Variants in ZNG1A observed in about 807,000 individuals in gnomAD.
ZNG1A encodes zinc-regulated GTPase metalloprotein activator 1A.
chr9:154,924 G>T, the ZNG1A span: 2 of 945,692 alleles, frequency 2.1e-6, no homozygotes, highest in Non-Finnish European at 3.1e-6. Context: ...CAATATATCA[G>T]TTAAGAATTA....
the ZNG1A span, chr9:154,091 A>G: frequency 6.6e-6 from 1 of 152,144 alleles, no homozygotes; most frequent in East Asian, 1.9e-4. Context: ...CATCATTCAT[A>G]TTGTCCTGAT....
the ZNG1A span, among the ~76,000 whole-genome samples, chr9:140,567 A>T: frequency 6.6e-6 from 1 of 151,944 alleles, no homozygotes; most frequent in South Asian, 2.1e-4. Context: ...ATGGGGAAAA[A>T]ACAGAGCAGA....
chr9:169,293 G>T, the ZNG1A span, among the ~76,000 whole-genome samples: 1 of 148,328 alleles, frequency 6.7e-6, no homozygotes, highest in Non-Finnish European at 1.5e-5. Context: ...AAGAGAACTA[G>T]AATTAGAAGG....
the ZNG1A span, among the ~76,000 whole-genome samples, chr9:149,736 A>AT: frequency 6.7e-6 from 1 of 150,348 alleles, no homozygotes; most frequent in Non-Finnish European, 1.5e-5. Context: ...AGTTTGTCAA[A>AT]TTAATTTAAC....
chr9:131,429 T>C, the ZNG1A span, among the ~76,000 whole-genome samples: 3 of 150,688 alleles, frequency 2.0e-5, no homozygotes, highest in South Asian at 2.1e-4. Context: ...ATAACTTTTA[T>C]AGGTTTTCTT....
At chr9:158,129 TACA>T in the ZNG1A span, among the ~76,000 whole-genome samples, 3 of 147,092 alleles carry the variant, frequency 2.0e-5, no homozygotes, top group South Asian at 4.5e-4. Flanking sequence ...GGCCTGAGGC[TACA>T]ACAAGTCCTA....
chr9:127,292 C>G, the ZNG1A span, among the ~76,000 whole-genome samples: 1 of 152,066 alleles, frequency 6.6e-6, no homozygotes, highest in Non-Finnish European at 1.5e-5. Context: ...AAATCCCTCA[C>G]TATTATTGTG....
At chr9:161,721 A>G in the ZNG1A span, 1 of 659,974 alleles carries the variant, frequency 1.5e-6, no homozygotes, top group East Asian at 6.6e-5. Context: ...TACTAAATGC[A>G]TTTTATAAAT....
chr9:165,132 G>A, the ZNG1A span, among the ~76,000 whole-genome samples: 8 of 152,052 alleles, frequency 5.3e-5, no homozygotes, highest in Admixed American at 2.6e-4. Context: ...TCTCCAAAAC[G>A]GGAAACAACT....
At chr9:152,609 C>T in the ZNG1A span, among the ~76,000 whole-genome samples, 98 of 151,862 alleles carry the variant, frequency 6.5e-4, 2 homozygotes, top group African/African-American at 2.3e-3. Context: ...CGTCAGTTAC[C>T]TAATTAGGCT....
the ZNG1A span, chr9:148,262 G>C: frequency 1.0e-5 from 1 of 100,214 alleles, no homozygotes; most frequent in Admixed American, 1.2e-4. Flanking sequence ...ATGCCATCCA[G>C]AGGTAATTCT....
chr9:156,326 A>G, the ZNG1A span, among the ~76,000 whole-genome samples: 2 of 151,672 alleles, frequency 1.3e-5, no homozygotes, highest in Admixed American at 6.6e-5. Context: ...TCAGATCATT[A>G]TAAATAGATA....
At chr9:143,261 A>T in the ZNG1A span, among the ~76,000 whole-genome samples, 23,069 of 143,470 alleles carry the variant, frequency 0.16, 2,165 homozygotes, top group East Asian at 0.38. Flanking sequence ...TTTTAGACCA[A>T]TATCCTTGAT....
chr9:165,231 T>C, the ZNG1A span, among the ~76,000 whole-genome samples: 1 of 152,030 alleles, frequency 6.6e-6, no homozygotes, highest in East Asian at 1.9e-4. Flanking sequence ...GTATCACTAC[T>C]CCAAACAATA....
chr9:155,136 A>G, the ZNG1A span, among the ~76,000 whole-genome samples: 2 of 151,814 alleles, frequency 1.3e-5, no homozygotes, highest in African/African-American at 2.4e-5. Flanking sequence ...TTAAACTCAT[A>G]ATTTTCTTTG....
the ZNG1A span, chr9:154,785 A>C: frequency 6.3e-7 from 1 of 1,575,222 alleles, no homozygotes; most frequent in South Asian, 1.1e-5. Flanking sequence ...GCATCTGCCA[A>C]AGCAACTTGT....
At chr9:139,597 G>C in the ZNG1A span, among the ~76,000 whole-genome samples, 33 of 152,104 alleles carry the variant, frequency 2.2e-4, no homozygotes, top group African/African-American at 7.5e-4. Flanking sequence ...TTACCAAAAA[G>C]ATTCCCCACA....
chr9:175,145 C>T, the ZNG1A span, among the ~76,000 whole-genome samples: 49 of 152,204 alleles, frequency 3.2e-4, no homozygotes, highest in Non-Finnish European at 5.9e-4. Flanking sequence ...TTTGGGAGGC[C>T]GAGGCGGGTG....
At chr9:155,391 AAC>A in the ZNG1A span, among the ~76,000 whole-genome samples, 1 of 151,878 alleles carries the variant, frequency 6.6e-6, no homozygotes, top group Non-Finnish European at 1.5e-5. Flanking sequence ...GTTCAAGTCC[AAC>A]CTGGGCAACA....
Sources: gnomAD v4.1 joint callset for allele counts (sites outside exome capture counted in the v4.1 genomes callset) on GRCh38, gnomAD v4.1.1 for gene constraint, MANE v1.5 for transcripts, NCBI Gene and HGNC (gene_info 2026-07-23, HGNC 2026-07-21) for gene names.